The following PLCB4 variants were observed in gnomAD, a reference collection of about 807,000 sequenced individuals.
The protein encoded by PLCB4 is 1-phosphatidylinositol 4,5-bisphosphate phosphodiesterase beta-4.
In PLCB4, 77 loss-of-function variants were observed where a neutral mutation model predicts 178.8. That is an observed-to-expected ratio of 0.43 (90% CI 0.36 to 0.52). The LOEUF (loss-of-function observed/expected upper bound fraction) is 0.52, where lower values mean the gene tolerates loss of function less well. PLCB4 is among the 20% of genes least tolerant of loss of function. The pLI, the probability that PLCB4 is intolerant of heterozygous loss-of-function variation, is 0.00. For synonymous variants in PLCB4, 496 were observed against 490.8 expected, an observed-to-expected ratio of 1.01 and a Z score of -0.14; for missense variants, 1,024 against 1,453.4, an observed-to-expected ratio of 0.70 and a Z score of 4.80.
chr20:9,132,385 A>C (rs780628276), intron 2 of PLCB4, among the ~76,000 whole-genome samples: 11 of 152,134 alleles, frequency 7.2e-5, no homozygotes, highest in South Asian at 2.1e-4. Context: ...ACATAGTTAT[A>C]CTTAAGGAAG....
Position 9,468,666 on chromosome 20 carries a change from G to T in PLCB4, c.3344G>T (p.Arg1115Leu), listed in dbSNP as rs775720888. The T allele has an allele frequency of 2.5e-6, 4 of 1,585,576 alleles. No individual in the cohort carries two copies. The highest frequency in any genetic ancestry group is 3.5e-6 in the Non-Finnish European group (4 of 1,154,438). Residue 1115 changes from arginine (R) to leucine (L), a missense_variant, in exon 36 of 40, where the codon CGG (arginine) becomes CTG (leucine). This residue lies in a region of PLCB4 where 264 missense variants were observed against 283.2 expected (regional missense o/e 0.93). Coordinates refer to ENST00000378473, the MANE Select transcript of PLCB4 (RefSeq NM_001377142.1). Reference protein sequence around the residue: ...QDKSIKNKAERERRVRELNSS... With the variant: ...QDKSIKNKAELERRVRELNSS... ...AAATCTATCAAGAATAAAGCAGAAC[G>T]GGAAAGGTAAGTCTGAGAGTGTTCA... is the stretch of plus-strand genomic sequence containing the variant.
intron 2 of PLCB4, among the ~76,000 whole-genome samples, chr20:9,209,836 C>T (rs986562892): frequency 4.0e-5 from 6 of 151,638 alleles, no homozygotes; most frequent in African/African-American, 2.4e-5. Context: ...TGGTGGCGGG[C>T]GCCTGTAGTC....
intron 3 of PLCB4, among the ~76,000 whole-genome samples, chr20:9,243,575 T>C (rs1022689810): frequency 2.6e-5 from 4 of 152,224 alleles, no homozygotes; most frequent in Admixed American, 2.6e-4. Flanking sequence ...TCTTGATGAC[T>C]TCTCTGTTTG....
At chr20:9,168,589 C>T (rs1461515948) in intron 2 of PLCB4, among the ~76,000 whole-genome samples, 1 of 152,210 alleles carries the variant, frequency 6.6e-6, no homozygotes, top group Non-Finnish European at 1.5e-5. Flanking sequence ...AACAGGCTCC[C>T]AGGTGCTGCT....
intron 7 of PLCB4, among the ~76,000 whole-genome samples, chr20:9,344,427 G>A (rs1311703713): frequency 6.6e-6 from 1 of 152,178 alleles, no homozygotes; most frequent in Non-Finnish European, 1.5e-5. Context: ...TCTGTCTGCA[G>A]GACGGCACTG....
chr20:9,459,558 C>A, intron 34 of PLCB4, 77 bp from the exon 35 acceptor site: 1 of 1,046,754 alleles, frequency 9.6e-7, no homozygotes, highest in Non-Finnish European at 1.4e-6. Context: ...CCTGAAATAC[C>A]TGAATAATGT....
chr20:9,174,993 G>A (rs185092049), intron 2 of PLCB4, among the ~76,000 whole-genome samples: 1 of 152,124 alleles, frequency 6.6e-6, no homozygotes, highest in Non-Finnish European at 1.5e-5. Flanking sequence ...GGTGTAGCTA[G>A]TGAAATAAAT....
intron 2 of PLCB4, among the ~76,000 whole-genome samples, chr20:9,159,194 G>A (rs2092841846): frequency 6.6e-6 from 1 of 152,092 alleles, no homozygotes; most frequent in Admixed American, 6.5e-5. Context: ...ATCTAAGAAG[G>A]TGTGGTTACT....
At chr20:9,294,199 G>T (rs911770241) in intron 3 of PLCB4, among the ~76,000 whole-genome samples, 1 of 152,106 alleles carries the variant, frequency 6.6e-6, no homozygotes, top group Non-Finnish European at 1.5e-5. Flanking sequence ...TTAACAGGGA[G>T]CATAAAGGTT....
intron 7 of PLCB4, among the ~76,000 whole-genome samples, chr20:9,355,055 G>C (rs1376068746): frequency 6.6e-6 from 1 of 152,160 alleles, no homozygotes; most frequent in Non-Finnish European, 1.5e-5. Flanking sequence ...CTTCTGAAAT[G>C]TCTTATAATT....
At chr20:9,386,196 C>T (rs1479829398) in intron 14 of PLCB4, among the ~76,000 whole-genome samples, 9 of 150,524 alleles carry the variant, frequency 6.0e-5, no homozygotes, top group South Asian at 2.1e-4. Context: ...GAGGCTGCAG[C>T]GAGCCGAGAC....
At chr20:9,386,309 T>G (rs1312988530) in intron 14 of PLCB4, among the ~76,000 whole-genome samples, 1 of 152,118 alleles carries the variant, frequency 6.6e-6, no homozygotes, top group Admixed American at 6.5e-5. Context: ...TTATTTGATG[T>G]AAAAGTTCAA....
intron 2 of PLCB4, among the ~76,000 whole-genome samples, chr20:9,150,980 T>C (rs57651733): frequency 0.027 from 4,115 of 152,246 alleles, 154 homozygotes; most frequent in African/African-American, 0.087. Context: ...GATTTGTTTT[T>C]CTGGCCTTGT....
intron 2 of PLCB4, among the ~76,000 whole-genome samples, chr20:9,162,592 C>T (rs1407774068): frequency 1.3e-5 from 2 of 152,100 alleles, no homozygotes; most frequent in East Asian, 1.9e-4. Flanking sequence ...ACACAGCCTT[C>T]GTTCATGTTT....
chr20:9,175,539 G>A (rs2093140331), intron 2 of PLCB4, among the ~76,000 whole-genome samples: 1 of 152,162 alleles, frequency 6.6e-6, no homozygotes, highest in Non-Finnish European at 1.5e-5. Flanking sequence ...ACTGCTTAAA[G>A]CCCAAGTTGT....
chr20:9,302,002 T>C (rs565148558), intron 3 of PLCB4, among the ~76,000 whole-genome samples: 6 of 152,220 alleles, frequency 3.9e-5, no homozygotes, highest in African/African-American at 1.4e-4. Context: ...ACTTCCCGTG[T>C]TCCTCAAAGA....
chr20:9,408,818 T>C, intron 23 of PLCB4, 101 bp downstream of exon 23: 1 of 730,646 alleles, frequency 1.4e-6, no homozygotes, highest in East Asian at 2.6e-5. Flanking sequence ...GGTGGTGGAG[T>C]TCATAAAATG....
intron 30 of PLCB4, among the ~76,000 whole-genome samples, chr20:9,438,612 T>A: frequency 6.6e-6 from 1 of 152,032 alleles, no homozygotes; most frequent in East Asian, 1.9e-4. Context: ...TTACCAAATC[T>A]ATATCAGGTG....
intron 3 of PLCB4, among the ~76,000 whole-genome samples, chr20:9,256,345 C>T (rs1202203278): frequency 6.6e-6 from 1 of 152,058 alleles, no homozygotes; most frequent in Non-Finnish European, 1.5e-5. Flanking sequence ...CTCATGGTTG[C>T]GAGATACATC....
Sources: allele counts gnomAD v4.1 joint callset (sites outside exome capture counted in the v4.1 genomes callset), GRCh38; gene constraint gnomAD v4.1.1; regional missense constraint gnomAD v4.1.1; transcripts MANE v1.5; gene names NCBI Gene and HGNC (gene_info 2026-07-23, HGNC 2026-07-21).